RPS6KA3: variants seen among roughly 807,000 people sequenced by gnomAD.
RPS6KA3 encodes ribosomal protein S6 kinase alpha-3.
RPS6KA3 carries 4 observed loss-of-function variants against 67.2 expected under a neutral mutation model. That is an observed-to-expected ratio of 0.06 (90% CI 0.03 to 0.14). The LOEUF is 0.14. RPS6KA3 is among the 10% of genes least tolerant of loss of function. RPS6KA3 has a pLI of 1.00. For synonymous variants in RPS6KA3, 182 were observed against 183.7 expected (o/e 0.99, Z 0.07); for missense variants, 204 against 559.0 (o/e 0.36, Z 6.40).
intron 7 of RPS6KA3, 43 bp from the exon 8 acceptor site, chrX:20,188,577 A>T (rs771831830): frequency 4.3e-6 from 3 of 698,355 alleles, no homozygotes; most frequent in Non-Finnish European, 6.8e-6. Context: ...CTAAATAGAG[A>T]TTTATAGAAG....
At chrX:20,241,057 C>T (rs898879743) in intron 1 of RPS6KA3, among the ~76,000 whole-genome samples, 2 of 110,554 alleles carry the variant, frequency 1.8e-5, no homozygotes, top group African/African-American at 3.3e-5. Flanking sequence ...GTTAAGGTGC[C>T]CTTATGCCTG....
At chrX:20,188,627 A>G (rs1464261293) in intron 7 of RPS6KA3, 93 bp from the exon 8 acceptor site, 1 of 489,899 alleles carries the variant, frequency 2.0e-6, no homozygotes, top group Non-Finnish European at 3.6e-6. Context: ...AGATCACCAC[A>G]TTTACTCTAA....
chrX:20,196,981 A>C (rs923266487), intron 4 of RPS6KA3, among the ~76,000 whole-genome samples: 2 of 111,720 alleles, frequency 1.8e-5, no homozygotes, highest in Non-Finnish European at 1.9e-5. Flanking sequence ...CTGGGATTAC[A>C]GGCTTGTGCT....
At chrX:20,181,000 GT>G (rs1234580590) in intron 10 of RPS6KA3, among the ~76,000 whole-genome samples, 1 of 111,866 alleles carries the variant, frequency 8.9e-6, no homozygotes, top group African/African-American at 3.2e-5. Context: ...TAAAGACACA[GT>G]TTTGAAGAAA....
In RPS6KA3 at chrX:20,152,753, A is replaced by C. The variant is rs921844685; in HGVS notation, c.*2645T>G. 8.9e-6 allele frequency: 1 copy of C among 112,611 alleles called. No homozygotes were observed. The highest frequency in any genetic ancestry group is 3.2e-5 in the African/African-American group (1 of 31,006). 9.3% of individuals were successfully genotyped at this position (112,611 alleles called of 1,213,427 possible). A position where few individuals can be genotyped will look rare whatever the true frequency, so the allele number is the denominator to read the frequency against. Reference sequence around the variant, plus strand: ...AATAAATTTAGGTAGAAAGCCTTCCATTTTGTGAACATATAACTTGCTTTT... The same window carrying C: ...AATAAATTTAGGTAGAAAGCCTTCCCTTTTGTGAACATATAACTTGCTTTT... On this transcript the variant is annotated 3_prime_UTR_variant, in exon 22 of 22. Coordinates refer to ENST00000379565, the MANE Select transcript of RPS6KA3 (RefSeq NM_004586.3).
At chrX:20,247,512 C>A (rs913854769) in intron 1 of RPS6KA3, among the ~76,000 whole-genome samples, 1 of 111,856 alleles carries the variant, frequency 8.9e-6, no homozygotes, top group African/African-American at 3.3e-5. Flanking sequence ...TGAGGCCGGG[C>A]GCGGTGGCTC....
chrX:20,245,776 TTAAGTA>T (rs1454796575), intron 1 of RPS6KA3, among the ~76,000 whole-genome samples: 3 of 111,329 alleles, frequency 2.7e-5, no homozygotes, highest in East Asian at 5.6e-4. Context: ...AGCCCCATTG[TTAAGTA>T]TATTATTTTT....
In RPS6KA3 at chrX:20,158,968, T is replaced by C. The variant is rs73447122; in HGVS notation, c.1959+2676A>G. Among the ~76,000 whole-genome samples, 156 of 112,280 alleles carry C rather than the reference T, an allele frequency of 1.4e-3. 1 individual carries two copies. Among genetic ancestry groups the C allele is most frequent in the African/African-American group, 4.7e-3 (146 of 30,911 alleles). ...CAGTTGCCTGATGGACATACATCTCTTAATTTATAATGTCCAAATCTGCAA... is the reference window on the plus strand; with the variant it reads ...CAGTTGCCTGATGGACATACATCTCCTAATTTATAATGTCCAAATCTGCAA... On this transcript the variant is annotated intron_variant, in intron 20 of 21. Transcript: ENST00000379565.
upstream of RPS6KA3, chrX:20,266,951 C>A (rs1363621202): frequency 5.5e-6 from 4 of 724,513 alleles, no homozygotes; most frequent in East Asian, 1.6e-4. Context: ...CTCCGCCCCC[C>A]CCGCCGGTTC....
intron 1 of RPS6KA3, among the ~76,000 whole-genome samples, chrX:20,245,246 T>C (rs1006579075): frequency 8.9e-6 from 1 of 112,112 alleles, no homozygotes; most frequent in African/African-American, 3.2e-5. Flanking sequence ...ACTTTAAGGA[T>C]TAAAGTTTTA....
chrX:20,191,345 C>T (rs2068122153), intron 7 of RPS6KA3, among the ~76,000 whole-genome samples: 1 of 111,493 alleles, frequency 9.0e-6, no homozygotes, highest in Non-Finnish European at 1.9e-5. Flanking sequence ...GTGCATGTGT[C>T]TTTATAGTAG....
chrX:20,161,551 ATAAACAAAGGTTTC>A, intron 20 of RPS6KA3, 79 bp downstream of exon 20: 1 of 375,927 alleles, frequency 2.7e-6, no homozygotes, highest in Non-Finnish European at 4.8e-6. Flanking sequence ...ATACTAATTT[ATAAACAAAGGTTTC>A]TAACTGGTAG....
chrX:20,246,389 C>T (rs187380563), intron 1 of RPS6KA3, among the ~76,000 whole-genome samples: 1 of 110,771 alleles, frequency 9.0e-6, no homozygotes, highest in Admixed American at 9.6e-5. Context: ...TCAGGGGAAA[C>T]GACAATTACT....
chrX:20,235,794 T>C (rs910619993), intron 1 of RPS6KA3, among the ~76,000 whole-genome samples: 1 of 111,572 alleles, frequency 9.0e-6, no homozygotes, highest in Non-Finnish European at 1.9e-5. Context: ...ACATAAAATT[T>C]TGAAATGTCT....
chrX:20,260,777 T>G (rs944291492), intron 1 of RPS6KA3, among the ~76,000 whole-genome samples: 1 of 111,601 alleles, frequency 9.0e-6, no homozygotes, highest in South Asian at 3.7e-4. Flanking sequence ...CAAAACTCTA[T>G]GAGGTAGACA....
intron 2 of RPS6KA3, among the ~76,000 whole-genome samples, chrX:20,215,899 C>T (rs2068837610): frequency 8.9e-6 from 1 of 112,309 alleles, no homozygotes; most frequent in Non-Finnish European, 1.9e-5. Flanking sequence ...CACATGAAAA[C>T]ATAAAATTAT....
Position 20,176,228 on chromosome X carries a change from GATTTTCAC to G in RPS6KA3, c.1102+14_1102+21del. ...AAACATATTTGTTGTCTTATATTTGGATTTTCACATTTTCTCCTTACCTTTGGGAGTTT... is the reference window on the plus strand; with the variant it reads ...AAACATATTTGTTGTCTTATATTTGGATTTTCTCCTTACCTTTGGGAGTTT... On this transcript the variant is annotated intron_variant, in intron 13 of 21. Transcript: ENST00000379565. 1.0e-6 allele frequency: 1 copy of G among 954,809 alleles called. No homozygotes were observed. The allele number at this position is 954,809 out of a possible 1,213,427, so 78.7% of individuals were successfully genotyped here.
At chrX:20,180,841 C>T (rs1255051390) in intron 10 of RPS6KA3, among the ~76,000 whole-genome samples, 1 of 112,169 alleles carries the variant, frequency 8.9e-6, no homozygotes, top group East Asian at 2.8e-4. Flanking sequence ...GGGTCTCATT[C>T]TTTGACAAGA....
At chrX:20,198,174 C>G (rs990272906) in intron 4 of RPS6KA3, among the ~76,000 whole-genome samples, 1 of 111,555 alleles carries the variant, frequency 9.0e-6, no homozygotes, top group African/African-American at 3.3e-5. Flanking sequence ...CTTCCAAAAC[C>G]CCATGGAAAT....
Sources: gnomAD v4.1 joint callset for allele counts (sites outside exome capture counted in the v4.1 genomes callset) on GRCh38, gnomAD v4.1.1 for gene constraint, MANE v1.5 for transcripts, NCBI Gene and HGNC (gene_info 2026-07-23, HGNC 2026-07-21) for gene names.